Variants in ATRNL1 observed in about 807,000 individuals in gnomAD.
ATRNL1 encodes attractin like 1.
Under a neutral mutation model 182.7 loss-of-function variants are expected in ATRNL1, and 95 were observed. The observed-to-expected ratio is 0.52, with a 90% CI of 0.44 to 0.62. The LOEUF is 0.62. ATRNL1 is among the 20% of genes least tolerant of loss of function. The pLI is 0.00. For missense variants in ATRNL1, 1,471 were observed against 1,679.5 expected (o/e 0.88, Z 2.17); for synonymous variants, 576 against 568.3 (o/e 1.01, Z -0.19).
intron 26 of ATRNL1, among the ~76,000 whole-genome samples, chr10:115,638,185 C>G (rs1049482416): frequency 7.9e-5 from 12 of 151,936 alleles, no homozygotes; most frequent in Non-Finnish European, 1.3e-4. Flanking sequence ...TTTTACTGTA[C>G]CTTTTCTATA....
chr10:115,529,721 G>A (rs1157204613), intron 25 of ATRNL1, among the ~76,000 whole-genome samples: 1 of 151,842 alleles, frequency 6.6e-6, no homozygotes, highest in Non-Finnish European at 1.5e-5. Flanking sequence ...ATTTTTAAAC[G>A]TTTTCCAATT....
At chr10:115,285,211 G>A (rs1210533693) in intron 14 of ATRNL1, among the ~76,000 whole-genome samples, 1 of 152,038 alleles carries the variant, frequency 6.6e-6, no homozygotes, top group Non-Finnish European at 1.5e-5. Flanking sequence ...ACATGTATTT[G>A]TTAAAGTTAC....
At chr10:115,485,652 C>T (rs1018676321) in intron 24 of ATRNL1, among the ~76,000 whole-genome samples, 15 of 151,894 alleles carry the variant, frequency 9.9e-5, no homozygotes, top group Admixed American at 2.6e-4. Context: ...AATCACCCAA[C>T]GTCTTTATTT....
At chr10:115,343,338 A>G (rs1645776690) in intron 19 of ATRNL1, among the ~76,000 whole-genome samples, 1 of 151,940 alleles carries the variant, frequency 6.6e-6, no homozygotes, top group Non-Finnish European at 1.5e-5. Flanking sequence ...GTCTTTTCTG[A>G]CAGCGTATTT....
chr10:115,344,465 C>G (rs1435973456), intron 19 of ATRNL1, among the ~76,000 whole-genome samples: 1 of 152,028 alleles, frequency 6.6e-6, no homozygotes, highest in Non-Finnish European at 1.5e-5. Flanking sequence ...CCCTTAAGGC[C>G]TAAGGGCTCT....
At chr10:115,910,196 AC>A (rs1555115547) in intron 28 of ATRNL1, among the ~76,000 whole-genome samples, 4 of 152,132 alleles carry the variant, frequency 2.6e-5, no homozygotes, top group African/African-American at 9.7e-5. Flanking sequence ...GAATGACTAG[AC>A]CCACAGGAGT....
At chr10:115,682,065 C>A (rs541083600) in intron 26 of ATRNL1, among the ~76,000 whole-genome samples, 2 of 152,084 alleles carry the variant, frequency 1.3e-5, no homozygotes, top group East Asian at 1.9e-4. Context: ...AGGTCTAATA[C>A]CAGTTCTTAC....
At chr10:115,933,170 C>A (rs1555122075) in intron 28 of ATRNL1, among the ~76,000 whole-genome samples, 1 of 152,204 alleles carries the variant, frequency 6.6e-6, no homozygotes, top group Non-Finnish European at 1.5e-5. Flanking sequence ...AAACAAACAA[C>A]CAGGCTGTTC....
intron 16 of ATRNL1, among the ~76,000 whole-genome samples, chr10:115,300,614 G>C (rs2133975744): frequency 6.6e-6 from 1 of 152,160 alleles, no homozygotes; most frequent in African/African-American, 2.4e-5. Flanking sequence ...ACATATTTCA[G>C]TTATCAAGTA....
At chr10:115,362,101 A>T (rs981428790) in intron 19 of ATRNL1, among the ~76,000 whole-genome samples, 1 of 152,074 alleles carries the variant, frequency 6.6e-6, no homozygotes, top group Non-Finnish European at 1.5e-5. Context: ...AAGAAAAAAA[A>T]ATTTACACTT....
chr10:115,346,248 A>T (rs1855969360), intron 19 of ATRNL1, among the ~76,000 whole-genome samples: 1 of 152,168 alleles, frequency 6.6e-6, no homozygotes, highest in African/African-American at 2.4e-5. Flanking sequence ...TAACCATTAA[A>T]AAATAGCTAC....
chr10:115,889,127 G>A (rs1469059869), intron 28 of ATRNL1, among the ~76,000 whole-genome samples: 1 of 152,162 alleles, frequency 6.6e-6, no homozygotes, highest in African/African-American at 2.4e-5. Context: ...AATACAAGTT[G>A]CTGATTCAAT....
chr10:115,885,204 TAAAC>T (rs1344090506), intron 28 of ATRNL1, among the ~76,000 whole-genome samples: 2 of 152,152 alleles, frequency 1.3e-5, no homozygotes, highest in African/African-American at 4.8e-5. Flanking sequence ...AATAAATAAA[TAAAC>T]AGATTCAAAG....
At chr10:115,510,682 C>T (rs935762792) in intron 24 of ATRNL1, among the ~76,000 whole-genome samples, 1 of 151,984 alleles carries the variant, frequency 6.6e-6, no homozygotes, top group African/African-American at 2.4e-5. Flanking sequence ...TTGCAGTAGT[C>T]TGTAACTAAA....
chr10:115,350,057 G>T (rs782251406), intron 19 of ATRNL1, among the ~76,000 whole-genome samples: 6 of 151,888 alleles, frequency 4.0e-5, no homozygotes, highest in Admixed American at 3.9e-4. Flanking sequence ...CTCAATGTTG[G>T]CTGGGCACAA....
chr10:115,672,134 A>G (rs1340865768), intron 26 of ATRNL1, among the ~76,000 whole-genome samples: 1 of 152,134 alleles, frequency 6.6e-6, no homozygotes, highest in Non-Finnish European at 1.5e-5. Flanking sequence ...AAAAACAACA[A>G]TTACGACTAC....
At chr10:115,361,037 T>C (rs1038993273) in intron 19 of ATRNL1, among the ~76,000 whole-genome samples, 1 of 151,938 alleles carries the variant, frequency 6.6e-6, no homozygotes, top group African/African-American at 2.4e-5. Context: ...CAGTGGTGTC[T>C]GCCAGACTTC....
intron 19 of ATRNL1, among the ~76,000 whole-genome samples, chr10:115,335,677 T>C: frequency 6.6e-6 from 1 of 152,190 alleles, no homozygotes; most frequent in African/African-American, 2.4e-5. Context: ...CCTTACATAG[T>C]GGTGTAGTAT....
chr10:115,481,255 A>G (rs1170352931), intron 24 of ATRNL1, among the ~76,000 whole-genome samples: 1 of 150,536 alleles, frequency 6.6e-6, no homozygotes, highest in Non-Finnish European at 1.5e-5. Context: ...CAGATCATAT[A>G]CTTCCATAGT....
Sources: allele counts gnomAD v4.1 joint callset (sites outside exome capture counted in the v4.1 genomes callset), GRCh38; gene constraint gnomAD v4.1.1; transcripts MANE v1.5; gene names NCBI Gene and HGNC (gene_info 2026-07-23, HGNC 2026-07-21).